FOXRED2: variants seen among roughly 807,000 people sequenced by gnomAD.
FOXRED2 encodes FAD-dependent oxidoreductase domain-containing protein 2.
In FOXRED2, 32 loss-of-function variants were observed where a neutral mutation model predicts 52.5. The observed-to-expected ratio is 0.61, with a 90% confidence interval of 0.46 to 0.82. The LOEUF (loss-of-function observed/expected upper bound fraction) is 0.82, where lower values mean the gene tolerates loss of function less well. Among genes scored for constraint, FOXRED2 ranks in the 40% least tolerant of loss-of-function variants. The pLI, the probability that FOXRED2 is intolerant of heterozygous loss-of-function variation, is 0.00. For missense variants in FOXRED2, 848 were observed against 937.5 expected (o/e 0.90, Z 1.25); for synonymous variants, 405 against 398.1 (o/e 1.02, Z -0.21).
chr22:36,495,814 G>A (rs887472531), intron 7 of FOXRED2, among the ~76,000 whole-genome samples, 153 bp downstream of exon 7: 1 of 152,194 alleles, frequency 6.6e-6, no homozygotes, highest in Admixed American at 6.5e-5. Context: ...CATCATTCTC[G>A]GACCTTCTGC....
rs1933702974 is a variant in FOXRED2, at chr22:36,489,887, ATC to A, written c.*119_*120del. On this transcript the variant is annotated 3_prime_UTR_variant, in exon 9 of 9. Transcript: ENST00000397224. ...TGGCTTTGCTGCAGACACTGCCATG[ATC>A]TGAGTGGTCTTTGGCAATCACGCAT... 9.4e-7 allele frequency: 1 copy of A among 1,064,468 alleles called. No individual in the cohort carries two copies. The allele number at this position is 1,064,468 out of a possible 1,614,324, so 65.9% of individuals were successfully genotyped here.
At position 36,489,104 on chromosome 22, in the gene FOXRED2, T is replaced by G. The variant is rs1287290332; in HGVS notation, c.*904A>C. 3 of 152,176 alleles carry G rather than the reference T, an allele frequency of 2.0e-5. 1 individual carries two copies. The highest frequency in any genetic ancestry group is 4.8e-5 in the African/African-American group (2 of 41,420). The allele number at this position is 152,176 out of a possible 1,614,324, so 9.4% of individuals were successfully genotyped here. ...TCACCTTACACATGGTGAGCACATA[T>G]GGGTGCCAGCCCGAGACAGCAGGAT... is the stretch of plus-strand genomic sequence containing the variant. On this transcript the variant is annotated 3_prime_UTR_variant, in exon 9 of 9. Transcript: ENST00000397224.
intron 8 of FOXRED2, among the ~76,000 whole-genome samples, chr22:36,493,047 T>C (rs1157372901): frequency 6.6e-6 from 1 of 152,172 alleles, no homozygotes. Context: ...TTTATTGGAG[T>C]GTCTCTAAAC....
chr22:36,490,260 G>A lies in FOXRED2; in HGVS notation c.1803C>T (p.Cys601=). ...TDLRSFYAES[C]FLFALTRQKL... ...TCTGGCGCGTGAGGGCGAACAGGAA[G>A]CAGGACTCTACACAAAAGCAAAATG... is the stretch of plus-strand genomic sequence containing the variant. Residue 601 remains cysteine (C), a synonymous_variant, in exon 9 of 9, where the codon TGC becomes TGT. Coordinates refer to ENST00000397224, the MANE Select transcript of FOXRED2 (RefSeq NM_001102371.2). The A allele has an allele frequency of 6.2e-7, 1 of 1,603,150 alleles. No individual in the cohort carries two copies. Among genetic ancestry groups the A allele is most frequent in the South Asian group, 1.1e-5 (1 of 90,522 alleles).
intron 2 of FOXRED2, 83 bp from the exon 3 acceptor site, chr22:36,504,849 C>T (rs1397738190): frequency 1.4e-6 from 2 of 1,476,598 alleles, no homozygotes; most frequent in Non-Finnish European, 9.2e-7. Flanking sequence ...GACCCACCCA[C>T]CCACCTGCCT....
intron 4 of FOXRED2, among the ~76,000 whole-genome samples, chr22:36,503,687 A>C (rs1934112369): frequency 6.6e-6 from 1 of 152,234 alleles, no homozygotes; most frequent in Non-Finnish European, 1.5e-5. Flanking sequence ...AGACATGAGA[A>C]TACTGGGCCA....
chr22:36,490,727 T>C (rs5756213), intron 8 of FOXRED2, among the ~76,000 whole-genome samples: 1 of 152,148 alleles, frequency 6.6e-6, no homozygotes, highest in Non-Finnish European at 1.5e-5. Flanking sequence ...GCAAATACCA[T>C]GTGCAAAGTT....
In FOXRED2 at chr22:36,506,023, C is replaced by G; in HGVS notation, c.400G>C (p.Asp134His). 6.2e-7 allele frequency: 1 copy of G among 1,614,242 alleles called. No individual in the cohort carries two copies. The highest frequency in any genetic ancestry group is 8.5e-7 in the Non-Finnish European group (1 of 1,180,038). ...DMVRYLGDFA[D>H]TLGLRVQYNT... ...TACTGGACACGGAGCCCCAGCGTGT[C>G]CGCGAAGTCACCCAGGTAGCGCACC... Residue 134 changes from aspartate (D) to histidine (H), a missense_variant, in exon 2 of 9, where the codon GAC becomes CAC. Transcript: ENST00000397224.
At chr22:36,503,710 AT>A (rs1424212575) in intron 4 of FOXRED2, among the ~76,000 whole-genome samples, 5 of 152,238 alleles carry the variant, frequency 3.3e-5, no homozygotes, top group Non-Finnish European at 7.3e-5. Context: ...GCGTGGTTAA[AT>A]AACTTCCGCC....
chr22:36,495,735 C>A (rs201473869), intron 7 of FOXRED2, among the ~76,000 whole-genome samples: 1 of 152,214 alleles, frequency 6.6e-6, no homozygotes, highest in Non-Finnish European at 1.5e-5. Context: ...CAGTGCCTGG[C>A]GGAGAGCACG....
At chr22:36,500,246 A>C (rs1488491542) in intron 5 of FOXRED2, among the ~76,000 whole-genome samples, 1 of 152,026 alleles carries the variant, frequency 6.6e-6, no homozygotes, top group Non-Finnish European at 1.5e-5. Flanking sequence ...AATCACCAAA[A>C]CTCTGAGCCT....
At chr22:36,503,884 G>GGT (rs1934116943) in intron 4 of FOXRED2, among the ~76,000 whole-genome samples, 1 of 152,206 alleles carries the variant, frequency 6.6e-6, no homozygotes, top group African/African-American at 2.4e-5. Context: ...AAGATCTGCT[G>GGT]GTGTTGCTCC....
At chr22:36,495,791 T>C (rs1056498046) in intron 7 of FOXRED2, among the ~76,000 whole-genome samples, 176 bp downstream of exon 7, 2 of 152,224 alleles carry the variant, frequency 1.3e-5, no homozygotes, top group African/African-American at 4.8e-5. Flanking sequence ...TGTCAGAATC[T>C]GGAAGCATCG....
chr22:36,501,116 TTATGAC>T (rs1220086184), intron 5 of FOXRED2, 119 bp downstream of exon 5: 1 of 1,003,804 alleles, frequency 1.0e-6, no homozygotes, highest in Non-Finnish European at 1.5e-6. Flanking sequence ...CCAAGACAAT[TTATGAC>T]AATGAGCTAC....
chr22:36,492,813 T>G (rs1165123250), intron 8 of FOXRED2, among the ~76,000 whole-genome samples: 1 of 152,222 alleles, frequency 6.6e-6, no homozygotes, highest in Admixed American at 6.5e-5. Flanking sequence ...CCACTGCACC[T>G]GGCCTAAAAG....
chr22:36,501,885 G>C (rs1198573513), intron 4 of FOXRED2, among the ~76,000 whole-genome samples: 2 of 152,176 alleles, frequency 1.3e-5, no homozygotes, highest in Non-Finnish European at 2.9e-5. Flanking sequence ...GATGAAGTCG[G>C]CCAGGCGAGG....
At chr22:36,505,787 G>GA (rs1410022157) in intron 2 of FOXRED2, 109 bp downstream of exon 2, 1 of 1,154,698 alleles carries the variant, frequency 8.7e-7, no homozygotes, top group African/African-American at 1.5e-5. Flanking sequence ...AAAAAAAAGC[G>GA]AAATACCCTT....
At chr22:36,496,516 C>T (rs968671239) in intron 6 of FOXRED2, among the ~76,000 whole-genome samples, 1 of 152,132 alleles carries the variant, frequency 6.6e-6, no homozygotes, top group African/African-American at 2.4e-5. Flanking sequence ...AAGAGGCCGA[C>T]GTGGCTGAGG....
rs1278298567 is a variant in FOXRED2, at chr22:36,490,274, A to G, written c.1796-7T>C. 1 of 1,582,684 alleles carries G rather than the reference A, an allele frequency of 6.3e-7. No individual in the cohort carries two copies. Among genetic ancestry groups the G allele is most frequent in the Non-Finnish European group, 8.6e-7 (1 of 1,159,818 alleles). ...GCGAACAGGAAGCAGGACTCTACAC[A>G]AAAGCAAAATGAGGAGAATGAGCCA... On this transcript the variant is annotated splice_polypyrimidine_tract_variant and splice_region_variant and intron_variant, in intron 8 of 8. Transcript: ENST00000397224.
Sources: allele counts gnomAD v4.1 joint callset (sites outside exome capture counted in the v4.1 genomes callset), GRCh38; gene constraint gnomAD v4.1.1; transcripts MANE v1.5; gene names NCBI Gene and HGNC (gene_info 2026-07-23, HGNC 2026-07-21).